PGCKA1: variants seen among roughly 807,000 people sequenced by gnomAD.
The protein encoded by PGCKA1 is PDCD10 and GCKIII kinases-associated protein 1.
At chr4:37,587,238 C>T in the PGCKA1 span, among the ~76,000 whole-genome samples, 2 of 152,184 alleles carry the variant, frequency 1.3e-5, no homozygotes, top group South Asian at 4.1e-4. Flanking sequence ...ATTTAGAGTC[C>T]ACCCAGATAA....
the PGCKA1 span, among the ~76,000 whole-genome samples, chr4:37,502,065 G>A: frequency 2.6e-5 from 4 of 152,130 alleles, no homozygotes; most frequent in African/African-American, 9.7e-5. Context: ...TTGTTCTCTG[G>A]CTCCTCAACA....
chr4:37,494,534 A>G, the PGCKA1 span, among the ~76,000 whole-genome samples: 1 of 152,158 alleles, frequency 6.6e-6, no homozygotes, highest in Admixed American at 6.5e-5. Flanking sequence ...ACTGATGGGC[A>G]TTTAGGTTGA....
chr4:37,520,381 G>T, the PGCKA1 span, among the ~76,000 whole-genome samples: 2 of 152,146 alleles, frequency 1.3e-5, no homozygotes, highest in African/African-American at 4.8e-5. Context: ...GAAGCCATCA[G>T]GTCCCTGGCT....
the PGCKA1 span, among the ~76,000 whole-genome samples, chr4:37,494,302 C>T: frequency 6.6e-6 from 1 of 152,114 alleles, no homozygotes; most frequent in African/African-American, 2.4e-5. Context: ...TCCAGTAGTC[C>T]TCCATGTCTG....
At chr4:37,454,811 G>A in the PGCKA1 span, among the ~76,000 whole-genome samples, 1 of 152,196 alleles carries the variant, frequency 6.6e-6, no homozygotes, top group East Asian at 1.9e-4. Context: ...TTTTACCCCA[G>A]CATGGCAATT....
At chr4:37,477,406 C>A in the PGCKA1 span, among the ~76,000 whole-genome samples, 1 of 151,998 alleles carries the variant, frequency 6.6e-6, no homozygotes, top group Non-Finnish European at 1.5e-5. Context: ...GGGGATTGGG[C>A]AAGATGGCTA....
At chr4:37,465,097 G>T in the PGCKA1 span, among the ~76,000 whole-genome samples, 1 of 151,964 alleles carries the variant, frequency 6.6e-6, no homozygotes, top group Non-Finnish European at 1.5e-5. Context: ...TAAAAGAGAG[G>T]GCCGTGGCCT....
At chr4:37,515,973 C>A in the PGCKA1 span, among the ~76,000 whole-genome samples, 2 of 150,596 alleles carry the variant, frequency 1.3e-5, no homozygotes, top group Non-Finnish European at 2.9e-5. Flanking sequence ...AACCATGATA[C>A]CTCTATACTT....
the PGCKA1 span, among the ~76,000 whole-genome samples, chr4:37,500,075 ACCATG>A: frequency 4.0e-5 from 6 of 151,868 alleles, no homozygotes; most frequent in African/African-American, 1.5e-4. Context: ...GGCGCCCGCC[ACCATG>A]CCCGGCTAAT....
the PGCKA1 span, among the ~76,000 whole-genome samples, chr4:37,465,702 A>G: frequency 7.9e-5 from 12 of 152,256 alleles, no homozygotes; most frequent in South Asian, 1.9e-3. Flanking sequence ...GTGGGTGAGG[A>G]TAAAGAAACC....
At chr4:37,562,307 C>A in the PGCKA1 span, among the ~76,000 whole-genome samples, 1 of 152,150 alleles carries the variant, frequency 6.6e-6, no homozygotes, top group Non-Finnish European at 1.5e-5. Context: ...TCGATGAACA[C>A]CAGGTACATA....
At chr4:37,474,947 T>C in the PGCKA1 span, among the ~76,000 whole-genome samples, 7 of 152,288 alleles carry the variant, frequency 4.6e-5, no homozygotes, top group East Asian at 7.7e-4. Flanking sequence ...AAAAAATTAG[T>C]AGATTTTTTT....
At chr4:37,466,470 A>G in the PGCKA1 span, among the ~76,000 whole-genome samples, 1 of 152,192 alleles carries the variant, frequency 6.6e-6, no homozygotes, top group South Asian at 2.1e-4. Context: ...TATTTTAAGA[A>G]CAGTGAGAAG....
the PGCKA1 span, among the ~76,000 whole-genome samples, chr4:37,569,320 CTT>C: frequency 6.6e-6 from 1 of 152,002 alleles, no homozygotes; most frequent in African/African-American, 2.4e-5. Flanking sequence ...GCCTCAGCCT[CTT>C]GAGTAGCTGA....
At chr4:37,565,328 G>A in the PGCKA1 span, among the ~76,000 whole-genome samples, 2 of 152,118 alleles carry the variant, frequency 1.3e-5, no homozygotes, top group Non-Finnish European at 2.9e-5. Context: ...TTATTTTGTG[G>A]CTTACCTTTC....
the PGCKA1 span, among the ~76,000 whole-genome samples, chr4:37,498,537 C>G: frequency 6.6e-6 from 1 of 152,194 alleles, no homozygotes; most frequent in East Asian, 1.9e-4. Flanking sequence ...CATCCATGAG[C>G]ACGGGATATG....
At chr4:37,552,501 G>A in the PGCKA1 span, among the ~76,000 whole-genome samples, 1 of 152,136 alleles carries the variant, frequency 6.6e-6, no homozygotes, top group Non-Finnish European at 1.5e-5. Flanking sequence ...GCATAAGGAA[G>A]GAGCTAGTGA....
chr4:37,483,256 A>G, the PGCKA1 span, among the ~76,000 whole-genome samples: 188 of 152,256 alleles, frequency 1.2e-3, 2 homozygotes, highest in African/African-American at 4.2e-3. Flanking sequence ...GCCTTCCCAG[A>G]CAGGCTGAAC....
At chr4:37,529,149 T>C in the PGCKA1 span, among the ~76,000 whole-genome samples, 14 of 152,368 alleles carry the variant, frequency 9.2e-5, no homozygotes, top group Admixed American at 1.3e-4. Context: ...AATCTCTAAA[T>C]GGAATTATGC....
Sources: allele counts gnomAD v4.1 joint callset (sites outside exome capture counted in the v4.1 genomes callset), GRCh38; gene constraint gnomAD v4.1.1; transcripts MANE v1.5; gene names NCBI Gene and HGNC (gene_info 2026-07-23, HGNC 2026-07-21).